SHB: variants seen among roughly 807,000 people sequenced by gnomAD.
SHB encodes the protein SH2 domain-containing adapter protein B.
SHB carries 20 observed loss-of-function variants against 52.3 expected under a neutral mutation model. The observed-to-expected ratio is 0.38, with a 90% CI of 0.27 to 0.56. The LOEUF is 0.56. Among genes scored for constraint, SHB ranks in the 20% least tolerant of loss-of-function variants. SHB has a pLI of 0.71. For synonymous variants in SHB, 397 were observed against 316.5 expected (o/e 1.25, Z -2.70); for missense variants, 825 against 723.3 (o/e 1.14, Z -1.61).
intron 1 of SHB, among the ~76,000 whole-genome samples, chr9:38,031,455 C>G (rs1821412148): frequency 6.6e-6 from 1 of 152,172 alleles, no homozygotes; most frequent in South Asian, 2.1e-4. Flanking sequence ...TAAGAAACCC[C>G]TAACCGTCCA....
At chr9:37,990,569 A>G (rs891418889) in intron 2 of SHB, among the ~76,000 whole-genome samples, 1 of 152,250 alleles carries the variant, frequency 6.6e-6, no homozygotes, top group Non-Finnish European at 1.5e-5. Context: ...TAAAAAGGGA[A>G]CTGTACTCAT....
chr9:37,944,222 G>A (rs1165840101), intron 5 of SHB, among the ~76,000 whole-genome samples: 1 of 152,198 alleles, frequency 6.6e-6, no homozygotes, highest in Non-Finnish European at 1.5e-5. Flanking sequence ...ATGTCATGAG[G>A]TGTGCAGGCG....
At chr9:37,929,808 A>G (rs1207024479) in intron 5 of SHB, among the ~76,000 whole-genome samples, 1 of 152,242 alleles carries the variant, frequency 6.6e-6, no homozygotes, top group African/African-American at 2.4e-5. Flanking sequence ...GATCCACATG[A>G]AAAGAGAAAA....
chr9:38,048,275 CA>C (rs1328292634), intron 1 of SHB, among the ~76,000 whole-genome samples: 1 of 152,156 alleles, frequency 6.6e-6, no homozygotes, highest in African/African-American at 2.4e-5. Context: ...CTTTTTTCTA[CA>C]TATGTCGGTG....
Position 37,952,053 on chromosome 9 carries a change from C to T in SHB, c.1227-3299G>A, listed in dbSNP as rs183720276. 6.6e-5 allele frequency among the ~76,000 whole-genome samples: 10 copies of T among 152,318 alleles called. No individual in the cohort carries two copies. The East Asian group carries it at 1.9e-3, about 29-fold the overall frequency. ...GGGATTAGGGAGACTCAACTATCGTCCTTCACCCCAGCCAATACCCATGAG... is the reference window on the plus strand; with the variant it reads ...GGGATTAGGGAGACTCAACTATCGTTCTTCACCCCAGCCAATACCCATGAG... On this transcript the variant is annotated intron_variant, in intron 4 of 5. Coordinates refer to ENST00000377707, the MANE Select transcript of SHB (RefSeq NM_003028.3).
intron 5 of SHB, among the ~76,000 whole-genome samples, chr9:37,947,784 G>A (rs987272123): frequency 1.5e-4 from 23 of 152,356 alleles, no homozygotes; most frequent in Middle Eastern, 3.4e-3. Flanking sequence ...CTCTAACAGC[G>A]GTAAGTGGGA....
intron 5 of SHB, among the ~76,000 whole-genome samples, chr9:37,930,766 A>G (rs533509419): frequency 1.3e-5 from 2 of 152,346 alleles, no homozygotes; most frequent in South Asian, 2.1e-4. Context: ...ATGTGGAACC[A>G]TAAAAGACCC....
At chr9:38,056,743 A>G (rs567175062) in intron 1 of SHB, among the ~76,000 whole-genome samples, 1 of 152,380 alleles carries the variant, frequency 6.6e-6, no homozygotes, top group South Asian at 2.1e-4. Context: ...ACCAAAAGGC[A>G]AATTACAAAC....
Position 37,942,645 on chromosome 9 carries a change from G to A in SHB, c.1346+5990C>T, listed in dbSNP as rs552246082. On this transcript the variant is annotated intron_variant, in intron 5 of 5. Coordinates refer to ENST00000377707, the MANE Select transcript of SHB (RefSeq NM_003028.3). ...CTGCCAAGCCTTACTTCTTGCTGAG[G>A]CAAGCATCCCGTGATGCTCAGGAAG... Among the ~76,000 whole-genome samples, 6 of 152,318 alleles carry A rather than the reference G, an allele frequency of 3.9e-5. No homozygotes were observed. In the East Asian group the frequency reaches 7.7e-4, roughly 20 times the overall value.
At chr9:38,036,470 T>A (rs1409139944) in intron 1 of SHB, among the ~76,000 whole-genome samples, 1 of 152,238 alleles carries the variant, frequency 6.6e-6, no homozygotes, top group Non-Finnish European at 1.5e-5. Context: ...TGCCTAGAGC[T>A]CTGCCCACGC....
chr9:37,978,614 A>G (rs578238317), intron 2 of SHB, among the ~76,000 whole-genome samples: 2 of 150,212 alleles, frequency 1.3e-5, no homozygotes, highest in Non-Finnish European at 2.9e-5. Flanking sequence ...GTCTCCGTCA[A>G]TATGAGCAGG....
intron 4 of SHB, among the ~76,000 whole-genome samples, chr9:37,952,123 G>A (rs778010394): frequency 6.7e-4 from 102 of 152,168 alleles, no homozygotes; most frequent in Non-Finnish European, 9.4e-4. Flanking sequence ...TTGATCTCAC[G>A]GGGCTGATGA....
Position 37,994,657 on chromosome 9 carries a change from C to T in SHB, c.839-19820G>A, listed in dbSNP as rs73437953. 9.6e-3 allele frequency among the ~76,000 whole-genome samples: 1,466 copies of T among 152,316 alleles called. 23 individuals are homozygous for T. The highest frequency in any genetic ancestry group is 0.033 in the African/African-American group (1,371 of 41,566). On this transcript the variant is annotated intron_variant, in intron 2 of 5. Coordinates refer to ENST00000377707, the MANE Select transcript of SHB (RefSeq NM_003028.3). The stretch of plus-strand genomic sequence containing the variant: ...CCAAACAAAAGGTATATAAAAGAGA[C>T]CTGTAACCATAAAACCCCATGCAGA...
At chr9:37,979,952 T>C (rs1820704057) in intron 2 of SHB, among the ~76,000 whole-genome samples, 1 of 152,244 alleles carries the variant, frequency 6.6e-6, no homozygotes, top group Non-Finnish European at 1.5e-5. Flanking sequence ...AAAAATATTT[T>C]ATTGCCAAAA....
rs568168130 is a variant in SHB at position 37,967,630 on chromosome 9, C to G, written c.1054+6992G>C. Among the ~76,000 whole-genome samples the G allele has an allele frequency of 2.6e-5, 4 of 152,302 alleles. No homozygotes were observed. The East Asian group carries it at 5.8e-4, about 22-fold the overall frequency. On this transcript the variant is annotated intron_variant, in intron 3 of 5. Transcript: ENST00000377707. ...GCATGTACTCTGTACCCTCTATGTT[C>G]TCAAAGTGGGGTCGCCAGATGGCAG... is the stretch of plus-strand genomic sequence containing the variant.
At chr9:37,969,697 G>A (rs1587219374) in intron 3 of SHB, among the ~76,000 whole-genome samples, 2 of 152,118 alleles carry the variant, frequency 1.3e-5, no homozygotes, top group African/African-American at 4.8e-5. Flanking sequence ...CCCTCCCTAC[G>A]TGGCCACTTT....
At chr9:38,051,240 G>T (rs1391122551) in intron 1 of SHB, among the ~76,000 whole-genome samples, 1 of 151,984 alleles carries the variant, frequency 6.6e-6, no homozygotes, top group Non-Finnish European at 1.5e-5. Flanking sequence ...AGGAGATCGC[G>T]ACCATCCTGG....
At position 38,061,617 on chromosome 9, in the gene SHB, T is replaced by C. The variant is rs115273345; in HGVS notation, c.717+6312A>G. ...CAGATTTGACTTTTAAAGCTAATTTTTATGGGTCAGAAATGCTCTGGGGGC... is the reference window on the plus strand; with the variant it reads ...CAGATTTGACTTTTAAAGCTAATTTCTATGGGTCAGAAATGCTCTGGGGGC... On this transcript the variant is annotated intron_variant, in intron 1 of 5. Transcript: ENST00000377707. 5.8e-3 allele frequency among the ~76,000 whole-genome samples: 879 copies of C among 152,292 alleles called. 10 individuals carry two copies. Among genetic ancestry groups the C allele is most frequent in the African/African-American group, 0.021 (853 of 41,560 alleles).
At chr9:37,997,582 A>G (rs1414443997) in intron 2 of SHB, among the ~76,000 whole-genome samples, 1 of 152,192 alleles carries the variant, frequency 6.6e-6, no homozygotes, top group Non-Finnish European at 1.5e-5. Flanking sequence ...CATTTATGTC[A>G]ATCTCTGGAC....
Sources: gnomAD v4.1 joint callset for allele counts (sites outside exome capture counted in the v4.1 genomes callset) on GRCh38, gnomAD v4.1.1 for gene constraint, MANE v1.5 for transcripts, NCBI Gene and HGNC (gene_info 2026-07-23, HGNC 2026-07-21) for gene names.